GPHN: variants seen among roughly 807,000 people sequenced by gnomAD.
GPHN encodes gephyrin.
GPHN carries 17 observed loss-of-function variants against 95.5 expected under a neutral mutation model. The ratio of observed to expected loss-of-function variants is 0.18; its 90% confidence interval spans 0.12 to 0.27. The LOEUF (loss-of-function observed/expected upper bound fraction) is 0.27. Ranked by LOEUF, GPHN falls within the 10% of genes least tolerant of loss-of-function variation. GPHN has a pLI of 1.00. For synonymous variants in GPHN, 320 were observed against 322.5 expected (o/e 0.99, Z 0.08); for missense variants, 660 against 978.1 (o/e 0.67, Z 4.34).
chr14:67,473,668 G>T, the GPHN span: 1 of 1,580,942 alleles, frequency 6.3e-7, no homozygotes, highest in South Asian at 1.1e-5. This position sits in a 1 kb window ranked among gnomAD's most constrained non-coding sequence, Gnocchi z 6.5. Context: ...AACTCCCACA[G>T]GTAGGTCCAG....
the GPHN span, chr14:67,353,635 A>G: frequency 0.16 from 23,718 of 152,030 alleles, 3,500 homozygotes; most frequent in East Asian, 0.42. Context: ...CTACAGGCGT[A>G]TGCCACCAAG....
At chr14:67,555,945 G>A in the GPHN span, 1 of 1,592,492 alleles carries the variant, frequency 6.3e-7, no homozygotes, top group Non-Finnish European at 8.6e-7. Context: ...GGCCCTTCCA[G>A]GCCCTTCCCA....
chr14:66,965,282 A>C lies in GPHN; in HGVS notation c.920A>C (p.Gln307Pro). The change falls in exon 9 of 23, where the codon CAG becomes CCG. Residue 307 changes from glutamine (Q) to proline (P), a missense_variant. By Grantham distance (76) the Gln-to-Pro change is moderately conservative. This residue lies in a region of GPHN where 190 missense variants were observed against 224.7 expected (regional missense o/e 0.85). Coordinates refer to ENST00000478722, the MANE Select transcript of GPHN (RefSeq NM_020806.5). ...STTPSESPRA[Q>P]ATSRLSTASC... ...ACTCCTTCAGAATCGCCTCGTGCTCAGGCTACATCTCGCCTCTCTACAGCT... is the reference window on the plus strand; with the variant it reads ...ACTCCTTCAGAATCGCCTCGTGCTCCGGCTACATCTCGCCTCTCTACAGCT... The C allele has an allele frequency of 8.7e-6, 14 of 1,613,624 alleles. No individual in the cohort carries two copies. Among genetic ancestry groups the C allele is most frequent in the Non-Finnish European group, 1.2e-5 (14 of 1,179,692 alleles).
intron 12 of GPHN, among the ~76,000 whole-genome samples, chr14:67,097,732 T>C (rs976981307): frequency 6.6e-6 from 1 of 152,204 alleles, no homozygotes; most frequent in African/African-American, 2.4e-5. Flanking sequence ...TTTGTATTTA[T>C]ATATTCATTA....
chr14:67,568,134 C>T, the GPHN span, among the ~76,000 whole-genome samples: 3 of 152,142 alleles, frequency 2.0e-5, no homozygotes, highest in African/African-American at 7.2e-5. Context: ...AAAACGTGCC[C>T]TAAGTTCCCA....
At chr14:67,597,513 A>T in the GPHN span, among the ~76,000 whole-genome samples, 1 of 152,062 alleles carries the variant, frequency 6.6e-6, no homozygotes, top group African/African-American at 2.4e-5. Context: ...AAAAAAAAAA[A>T]AGTTTGCTTA....
the GPHN span, chr14:67,662,413 T>C: frequency 1.5e-6 from 2 of 1,354,434 alleles, no homozygotes; most frequent in Non-Finnish European, 2.1e-6. Flanking sequence ...GATCAGCTCA[T>C]AGCATTACTT....
At chr14:67,682,515 C>A in the GPHN span, among the ~76,000 whole-genome samples, 2 of 152,154 alleles carry the variant, frequency 1.3e-5, no homozygotes, top group East Asian at 3.8e-4. Context: ...TGTTCAACAT[C>A]ATTAGTAGGA....
At chr14:67,392,031 TG>T in the GPHN span, among the ~76,000 whole-genome samples, 1 of 152,310 alleles carries the variant, frequency 6.6e-6, no homozygotes, top group African/African-American at 2.4e-5. Flanking sequence ...AAGACAAATA[TG>T]TGAAGCTGGG....
the GPHN span, among the ~76,000 whole-genome samples, chr14:67,391,269 A>ATGTGTGTGTGTGTGTG: frequency 1.4e-3 from 199 of 139,630 alleles, no homozygotes; most frequent in African/African-American, 5.7e-3. Context: ...TAAGCAGCTG[A>ATGTGTGTGTGTGTGTG]TATGTGTGTG....
intron 2 of GPHN, among the ~76,000 whole-genome samples, chr14:66,727,811 C>A (rs191097581): frequency 6.6e-6 from 1 of 152,096 alleles, no homozygotes. Flanking sequence ...AAAAGAAAAT[C>A]CCATTTTCTG....
rs35159325 is a variant in GPHN at position 66,932,444 on chromosome 14, G to GTTTTTTTTTTTTTTTT, written c.828+8173_828+8188dup. ...AGGTGGGGAATCCTGCCAAGACCAG[G>GTTTTTTTTTTTTTTTT]TTTTTTTTTTTTTTTTTTTTTTTTT... On this transcript the variant is annotated intron_variant, in intron 8 of 22. Transcript: ENST00000478722. 2.5e-4 allele frequency among the ~76,000 whole-genome samples: 6 copies of GTTTTTTTTTTTTTTTT among 24,394 alleles called. 2 individuals are homozygous for GTTTTTTTTTTTTTTTT. The highest frequency in any genetic ancestry group is 4.4e-4 in the Non-Finnish European group (6 of 13,732). The allele number at this position is 24,394 out of a possible 152,430, so 16.0% of individuals were successfully genotyped here.
At chr14:67,342,202 AAAT>A in the GPHN span, among the ~76,000 whole-genome samples, 43 of 149,338 alleles carry the variant, frequency 2.9e-4, no homozygotes, top group African/African-American at 9.1e-4. Context: ...ATAAATAAAT[AAAT>A]AAATAAATAA....
At chr14:67,513,063 A>C in the GPHN span, among the ~76,000 whole-genome samples, 2 of 152,210 alleles carry the variant, frequency 1.3e-5, no homozygotes, top group East Asian at 3.8e-4. Flanking sequence ...GAGGGTCTTA[A>C]ATCACTTTAT....
At chr14:66,960,698 C>T (rs369381792) in intron 8 of GPHN, among the ~76,000 whole-genome samples, 178 of 152,214 alleles carry the variant, frequency 1.2e-3, no homozygotes, top group African/African-American at 3.9e-3. Context: ...CAATTTACAG[C>T]TCTTCATTAG....
the GPHN span, among the ~76,000 whole-genome samples, chr14:67,696,867 G>A: frequency 2.6e-5 from 4 of 152,184 alleles, no homozygotes; most frequent in Admixed American, 6.5e-5. Context: ...TAAAAGACAC[G>A]GGTTCCAATG....
the GPHN span, among the ~76,000 whole-genome samples, chr14:67,438,721 C>T: frequency 1.3e-5 from 2 of 151,952 alleles, no homozygotes; most frequent in Admixed American, 6.6e-5. Context: ...AGTAGCCAGG[C>T]GTGGTAGCAT....
chr14:67,412,469 G>A, the GPHN span, among the ~76,000 whole-genome samples: 1 of 152,124 alleles, frequency 6.6e-6, no homozygotes, highest in African/African-American at 2.4e-5. Context: ...CCAGGATTTG[G>A]AGCCATTCCT....
At chr14:66,597,962 GAAATC>G (rs1264607930) in intron 1 of GPHN, among the ~76,000 whole-genome samples, 1 of 152,108 alleles carries the variant, frequency 6.6e-6, no homozygotes, top group African/African-American at 2.4e-5. Context: ...ACAAAAGAAG[GAAATC>G]CTGTCATTCT....
Sources: gnomAD v4.1 joint callset for allele counts (sites outside exome capture counted in the v4.1 genomes callset) on GRCh38, gnomAD v4.1.1 for gene constraint, gnomAD v4.1.1 regional missense constraint, Gnocchi (gnomAD v3.1) non-coding constraint, MANE v1.5 for transcripts, NCBI Gene and HGNC (gene_info 2026-07-23, HGNC 2026-07-21) for gene names.